EXOC2: variants seen among roughly 807,000 people sequenced by gnomAD.
EXOC2 encodes the protein SEC5-like 1.
EXOC2 carries 70 observed loss-of-function variants against 131.8 expected under a neutral mutation model. That is an observed-to-expected ratio of 0.53 (90% CI 0.44 to 0.65). The LOEUF (loss-of-function observed/expected upper bound fraction) is 0.65. Ranked by LOEUF, EXOC2 falls within the 30% of genes least tolerant of loss-of-function variation. EXOC2 has a pLI of 0.00. For synonymous variants in EXOC2, 411 were observed against 398.4 expected (o/e 1.03, Z -0.38); for missense variants, 923 against 1,108.6 (o/e 0.83, Z 2.38).
At chr6:524,436 T>C (rs1359689727) in intron 23 of EXOC2, 2 of 152,222 alleles carry the variant, frequency 1.3e-5, no homozygotes, top group Non-Finnish European at 2.9e-5. Flanking sequence ...TCATAATGAA[T>C]TAGTGTTCCA....
chr6:510,944 G>A (rs1194172060), intron 23 of EXOC2, among the ~76,000 whole-genome samples: 1 of 152,184 alleles, frequency 6.6e-6, no homozygotes, highest in Non-Finnish European at 1.5e-5. Context: ...TGTTACTTCT[G>A]GACATACTAC....
chr6:689,658 C>T (rs1475836837), intron 1 of EXOC2, among the ~76,000 whole-genome samples: 1 of 152,196 alleles, frequency 6.6e-6, no homozygotes, highest in African/African-American at 2.4e-5. Context: ...GGCAAAAATA[C>T]CCCTTATGAA....
At chr6:594,046 C>T (rs901079963) in intron 10 of EXOC2, among the ~76,000 whole-genome samples, 1 of 152,230 alleles carries the variant, frequency 6.6e-6, no homozygotes, top group Non-Finnish European at 1.5e-5. Context: ...TCTCCTCCCC[C>T]TTGTGACCAC....
intron 10 of EXOC2, among the ~76,000 whole-genome samples, chr6:594,743 G>T (rs1759721283): frequency 6.6e-6 from 1 of 152,188 alleles, no homozygotes; most frequent in African/African-American, 2.4e-5. Context: ...TACAAAGCAA[G>T]ATAAAGTTGT....
chr6:532,719 T>C, intron 22 of EXOC2, 109 bp from the exon 23 acceptor site: 1 of 1,104,820 alleles, frequency 9.1e-7, no homozygotes, highest in Non-Finnish European at 1.2e-6. Flanking sequence ...CTTCTCAATT[T>C]TCCTACAAAA....
At chr6:678,240 G>A (rs758415481) in intron 1 of EXOC2, among the ~76,000 whole-genome samples, 2 of 152,200 alleles carry the variant, frequency 1.3e-5, no homozygotes, top group African/African-American at 2.4e-5. Context: ...CCAAGAGTCA[G>A]AAGGCAGAAA....
Position 531,557 on chromosome 6 carries a change from A to G in EXOC2, c.2380+912T>C, listed in dbSNP as rs1766087298. 3.3e-5 allele frequency among the ~76,000 whole-genome samples: 5 copies of G among 152,274 alleles called. No homozygotes were observed. In the South Asian group the frequency reaches 1.0e-3, roughly 32 times the overall value. ...TTTAGTTTACACTTTTGGCATCACTATACGTGAACACTATACAATAAAAAC... is the reference window on the plus strand; with the variant it reads ...TTTAGTTTACACTTTTGGCATCACTGTACGTGAACACTATACAATAAAAAC... On this transcript the variant is annotated intron_variant, in intron 23 of 27. Coordinates refer to ENST00000230449, the MANE Select transcript of EXOC2 (RefSeq NM_018303.6).
At chr6:522,571 G>A (rs990014647) in intron 23 of EXOC2, among the ~76,000 whole-genome samples, 1 of 149,200 alleles carries the variant, frequency 6.7e-6, no homozygotes, top group Admixed American at 6.7e-5. Flanking sequence ...CCACGTGGAC[G>A]ACATGACAGT....
rs76619326 is a variant in EXOC2, at chr6:614,203, A to T, written c.661+3508T>A. The stretch of plus-strand genomic sequence containing the variant: ...ACCACGGGCCACACTAGATAATCTA[A>T]CAATGGAATTTACGGTGAGGACTTA... On this transcript the variant is annotated intron_variant, in intron 6 of 27. Coordinates refer to ENST00000230449, the MANE Select transcript of EXOC2 (RefSeq NM_018303.6). Among the ~76,000 whole-genome samples, 11 of 152,162 alleles carry T rather than the reference A, an allele frequency of 7.2e-5. No individual in the cohort carries two copies. The East Asian group carries it at 2.1e-3, about 29-fold the overall frequency.
At chr6:580,871 A>G (rs1015633858) in intron 11 of EXOC2, among the ~76,000 whole-genome samples, 14 of 152,212 alleles carry the variant, frequency 9.2e-5, no homozygotes, top group Admixed American at 8.5e-4. Context: ...CTGTTCGTAC[A>G]GTTTTGGACA....
At chr6:578,961 G>A (rs1301239902) in intron 11 of EXOC2, among the ~76,000 whole-genome samples, 1 of 151,904 alleles carries the variant, frequency 6.6e-6, no homozygotes, top group Non-Finnish European at 1.5e-5. Flanking sequence ...ATACTTTAAA[G>A]AGAAAAATAA....
chr6:607,242 C>T (rs1452572861), intron 7 of EXOC2, among the ~76,000 whole-genome samples: 7 of 152,210 alleles, frequency 4.6e-5, no homozygotes, highest in East Asian at 1.9e-4. Context: ...ACACACAGCA[C>T]GGCCTGCCTG....
chr6:637,633 A>G (rs760146960), intron 2 of EXOC2, 68 bp downstream of exon 2: 4 of 1,211,450 alleles, frequency 3.3e-6, no homozygotes, highest in Admixed American at 4.7e-5. Flanking sequence ...TGAAAATTAC[A>G]TATCTTGTCT....
At chr6:598,000 A>T in intron 10 of EXOC2, 21 bp downstream of exon 10, 1 of 1,578,102 alleles carries the variant, frequency 6.3e-7, no homozygotes, top group Non-Finnish European at 8.7e-7. Context: ...TGATTCAACA[A>T]AATGTTTGCA....
At chr6:610,641 G>A (rs1760666655) in intron 6 of EXOC2, among the ~76,000 whole-genome samples, 1 of 152,160 alleles carries the variant, frequency 6.6e-6, no homozygotes, top group Non-Finnish European at 1.5e-5. Context: ...TTAAAAATCT[G>A]AAAAAATCTG....
intron 23 of EXOC2, among the ~76,000 whole-genome samples, chr6:504,844 A>T (rs1341947763): frequency 6.6e-6 from 1 of 151,922 alleles, no homozygotes. Context: ...AACAGACAGG[A>T]CCCCCCACCC....
intron 11 of EXOC2, among the ~76,000 whole-genome samples, chr6:580,046 T>TTA (rs1554131986): frequency 2.3e-5 from 2 of 85,124 alleles, no homozygotes; most frequent in African/African-American, 8.1e-5. Context: ...GCAGTTTTTT[T>TTA]TGTTTTTTTT....
chr6:526,647 T>C (rs1015884021), intron 23 of EXOC2, among the ~76,000 whole-genome samples: 5 of 151,858 alleles, frequency 3.3e-5, no homozygotes, highest in African/African-American at 1.2e-4. Context: ...TCCATTTTGG[T>C]CAGGCTGGTC....
chr6:583,225 A>G (rs577743780), intron 11 of EXOC2, among the ~76,000 whole-genome samples: 7 of 152,238 alleles, frequency 4.6e-5, no homozygotes, highest in Non-Finnish European at 1.0e-4. Context: ...ATTTTTAATT[A>G]CCAAGTAAAG....
Sources: allele counts gnomAD v4.1 joint callset (sites outside exome capture counted in the v4.1 genomes callset), GRCh38; gene constraint gnomAD v4.1.1; transcripts MANE v1.5; gene names NCBI Gene and HGNC (gene_info 2026-07-23, HGNC 2026-07-21).